Variants in ZSWIM9 observed in about 807,000 individuals in gnomAD.
The protein encoded by ZSWIM9 is zinc finger SWIM-type containing 9.
In ZSWIM9, 11 loss-of-function variants were observed where a neutral mutation model predicts 25.0. The ratio of observed to expected loss-of-function variants is 0.44; its 90% CI spans 0.28 to 0.73. The LOEUF is 0.73. ZSWIM9 is among the 30% of genes least tolerant of loss of function. ZSWIM9 has a pLI of 0.16. For synonymous variants in ZSWIM9, 562 were observed against 582.1 expected, an observed-to-expected ratio of 0.97 and a Z score of 0.50; for missense variants, 1,070 against 1,296.5, an observed-to-expected ratio of 0.83 and a Z score of 2.68.
intron 2 of ZSWIM9, among the ~76,000 whole-genome samples, chr19:48,179,137 C>CT (rs572470047): frequency 6.6e-6 from 1 of 152,076 alleles, no homozygotes; most frequent in Non-Finnish European, 1.5e-5. Context: ...GAAATACACT[C>CT]TGATTTTTTT....
Position 48,195,368 on chromosome 19 carries a change from G to A in ZSWIM9, c.1304G>A (p.Trp435Ter). 1 of 1,511,402 alleles carries A rather than the reference G, an allele frequency of 6.6e-7. No individual in the cohort carries two copies. The highest frequency in any genetic ancestry group is 8.8e-7 in the Non-Finnish European group (1 of 1,137,326). The allele number at this position is 1,511,402 out of a possible 1,614,324, so 93.6% of individuals were successfully genotyped here. ...CTTCGCGACCTGGTGGCCATGCAGT[G>A]GGCCGACGCGGCCGGGGAGGCGGTG... The part of the protein sequence containing the change: ...QCLRDLVAMQ[W>*]ADAAGEAVPE... The change falls in exon 4 of 4, where the codon TGG becomes TAG. Residue 435 changes from tryptophan to a stop codon, truncating the protein, a stop_gained. Coordinates refer to ENST00000614654, the MANE Select transcript of ZSWIM9 (RefSeq NM_199341.4). LOFTEE classifies it low-confidence loss of function (END_TRUNC). The surrounding 1 kb of genome is among the most constrained non-coding windows in gnomAD (Gnocchi z 5.8).
At chr19:48,179,616 A>C (rs2036927408) in intron 2 of ZSWIM9, among the ~76,000 whole-genome samples, 1 of 152,206 alleles carries the variant, frequency 6.6e-6, no homozygotes, top group South Asian at 2.1e-4. Context: ...GTTGTATCAC[A>C]CGTTGGGGTG....
rs1048717688 is a variant in ZSWIM9 at position 48,195,668 on chromosome 19, G to A, written c.1604G>A (p.Gly535Glu). ...CGGTTGGAGAATCAGAAGCCGAGGGGACTGGAAGGGGGTGTCTTGAGAGGG... is the reference window on the plus strand; with the variant it reads ...CGGTTGGAGAATCAGAAGCCGAGGGAACTGGAAGGGGGTGTCTTGAGAGGG... Reference protein sequence around the residue: ...GGRLENQKPRGLEGGVLRGSK... With the variant: ...GGRLENQKPRELEGGVLRGSK... The change falls in exon 4 of 4, where the codon GGA becomes GAA. Residue 535 changes from glycine (G) to glutamate (E), a missense_variant. By Grantham distance (98) the Gly-to-Glu change is moderately conservative. Around this residue, in one of 4 missense-constraint regions of ZSWIM9, gnomAD observed 583 missense variants for 624.7 expected, o/e 0.93. Transcript: ENST00000614654. The surrounding 1 kb of genome is among the most constrained non-coding windows in gnomAD (Gnocchi z 5.8). 35 of 1,436,806 alleles carry A rather than the reference G, an allele frequency of 2.4e-5. No individual in the cohort carries two copies. The highest frequency in any genetic ancestry group is 3.1e-5 in the Non-Finnish European group (34 of 1,102,060). The allele number at this position is 1,436,806 out of a possible 1,614,324, so 89.0% of individuals were successfully genotyped here.
At position 48,197,313 on chromosome 19, in the gene ZSWIM9, G is replaced by C; in HGVS notation, c.*486G>C. On this transcript the variant is annotated 3_prime_UTR_variant, in exon 4 of 4. Coordinates refer to ENST00000614654, the MANE Select transcript of ZSWIM9 (RefSeq NM_199341.4). ...AAAGGGGAGCCGGAAATGGAGGAGA[G>C]AGGACAAGCAAAGAGACAGAAATGA... The C allele has an allele frequency of 1.4e-6, 1 of 702,564 alleles. No individual in the cohort carries two copies. The highest frequency in any genetic ancestry group is 2.6e-6 in the Non-Finnish European group (1 of 384,808). The allele number at this position is 702,564 out of a possible 1,614,324, so 43.5% of individuals were successfully genotyped here. A position where few individuals can be genotyped will look rare whatever the true frequency, so the allele number is the denominator to read the frequency against.
chr19:48,194,993 C>T lies in ZSWIM9; in HGVS notation c.929C>T (p.Pro310Leu). 3.7e-6 allele frequency: 5 copies of T among 1,340,342 alleles called. No homozygotes were observed. The South Asian group carries it at 6.4e-5, about 17-fold the overall frequency. 83.0% of individuals were successfully genotyped at this position (1,340,342 alleles called of 1,614,324 possible). ...AQLPAVRQLLPCARVQICRAQ... is the reference protein window; with the variant it reads ...AQLPAVRQLLLCARVQICRAQ... ...TTGCCTGCAGTGCGCCAGCTGCTGCCCTGCGCGCGCGTGCAGATCTGCCGC... is the reference window on the plus strand; with the variant it reads ...TTGCCTGCAGTGCGCCAGCTGCTGCTCTGCGCGCGCGTGCAGATCTGCCGC... Residue 310 changes from proline (P) to leucine (L), a missense_variant, in exon 4 of 4, where the codon CCC (proline) becomes CTC (leucine). By Grantham distance (98) the Pro-to-Leu change is moderately conservative (BLOSUM62 -3). Transcript: ENST00000614654. The surrounding 1 kb of genome is among the most constrained non-coding windows in gnomAD (Gnocchi z 6.0).
Position 48,194,593 on chromosome 19 carries a change from G to A in ZSWIM9, c.589-60G>A. On this transcript the variant is annotated intron_variant, in intron 3 of 3. Transcript: ENST00000614654. The surrounding 1 kb of genome is among the most constrained non-coding windows in gnomAD (Gnocchi z 6.0). Reference sequence around the variant, plus strand: ...AAGGGGAAACCGAGGTCGGGGAGCTGGGCGGGGAGACCCCAGCATCCTCTG... The same window carrying A: ...AAGGGGAAACCGAGGTCGGGGAGCTAGGCGGGGAGACCCCAGCATCCTCTG... 2 of 1,351,646 alleles carry A rather than the reference G, an allele frequency of 1.5e-6. No individual in the cohort carries two copies. Among genetic ancestry groups the A allele is most frequent in the Non-Finnish European group, 1.9e-6 (2 of 1,050,108 alleles). The allele number at this position is 1,351,646 out of a possible 1,614,324, so 83.7% of individuals were successfully genotyped here. A position where few individuals can be genotyped will look rare whatever the true frequency, so the allele number is the denominator to read the frequency against.
In ZSWIM9 at chr19:48,182,796, G is replaced by T. The variant is rs1054327159; in HGVS notation, c.588+29G>T. 1.8e-5 allele frequency: 27 copies of T among 1,495,504 alleles called. No homozygotes were observed. Among genetic ancestry groups the T allele is most frequent in the Non-Finnish European group, 2.2e-5 (25 of 1,119,734 alleles). The allele number at this position is 1,495,504 out of a possible 1,614,324, so 92.6% of individuals were successfully genotyped here. On this transcript the variant is annotated intron_variant, in intron 3 of 3. Coordinates refer to ENST00000614654, the MANE Select transcript of ZSWIM9 (RefSeq NM_199341.4). The surrounding 1 kb of genome is among the most constrained non-coding windows in gnomAD (Gnocchi z 4.6). ...GGGTCTCGAGAGAGGCAGGCCGGGGGAGGGGGCGGGGGAAAGCCGCGCTGA... is the reference window on the plus strand; with the variant it reads ...GGGTCTCGAGAGAGGCAGGCCGGGGTAGGGGGCGGGGGAAAGCCGCGCTGA...
chr19:48,185,279 A>G (rs1428099199), intron 3 of ZSWIM9, among the ~76,000 whole-genome samples: 1 of 151,836 alleles, frequency 6.6e-6, no homozygotes, highest in African/African-American at 2.4e-5. Flanking sequence ...AGCTGGGATT[A>G]CAGGCATGCG....
intron 3 of ZSWIM9, among the ~76,000 whole-genome samples, chr19:48,187,512 T>C (rs181546556): frequency 1.6e-5 from 1 of 62,494 alleles, no homozygotes; most frequent in African/African-American, 6.4e-5. Context: ...TATATTATAT[T>C]ATATATATTA....
intron 3 of ZSWIM9, chr19:48,191,829 G>A (rs2037097666): frequency 1.3e-5 from 2 of 153,954 alleles, no homozygotes; most frequent in Non-Finnish European, 2.9e-5. Flanking sequence ...GCCCTGTTTG[G>A]TCAATTTTTT....
At position 48,196,723 on chromosome 19, in the gene ZSWIM9, C is replaced by T. The variant is rs1228031048; in HGVS notation, c.2659C>T (p.Arg887Cys). 17 of 1,232,902 alleles carry T rather than the reference C, an allele frequency of 1.4e-5. No individual in the cohort carries two copies. Among genetic ancestry groups the T allele is most frequent in the Admixed American group, 4.2e-5 (1 of 23,764 alleles). The allele number at this position is 1,232,902 out of a possible 1,614,324, so 76.4% of individuals were successfully genotyped here. ...RCSCSIHAAR[R>C]LPCRHLFAAR... ...CAGCTGCTCAATTCACGCCGCCCGC[C>T]GTCTGCCCTGCAGACACCTCTTTGC... Residue 887 changes from arginine (R) to cysteine (C), a missense_variant, in exon 4 of 4, where the codon CGT becomes TGT. Around this residue, in one of 4 missense-constraint regions of ZSWIM9, gnomAD observed 583 missense variants for 624.7 expected, o/e 0.93. Coordinates refer to ENST00000614654, the MANE Select transcript of ZSWIM9 (RefSeq NM_199341.4).
chr19:48,182,684 T>C lies in ZSWIM9; in HGVS notation c.505T>C (p.Ser169Pro). The C allele has an allele frequency of 1.3e-6, 2 of 1,535,696 alleles. No homozygotes were observed. The highest frequency in any genetic ancestry group is 1.7e-6 in the Non-Finnish European group (2 of 1,146,600). The change falls in exon 3 of 4, where the codon TCC becomes CCC. Residue 169 changes from serine (S) to proline (P), a missense_variant. Around this residue, in one of 4 missense-constraint regions of ZSWIM9, gnomAD observed 265 missense variants for 339.0 expected, o/e 0.78. Coordinates refer to ENST00000614654, the MANE Select transcript of ZSWIM9 (RefSeq NM_199341.4). This position sits in a 1 kb window ranked among gnomAD's most constrained non-coding sequence, Gnocchi z 4.6. ...CCCAGCCGACGTGCGCCGCCTGCTG[T>C]CCTACTGCAAGGGCCGCGACCACGG... Reference protein sequence around the residue: ...VAPADVRRLLSYCKGRDHGVL... With the variant: ...VAPADVRRLLPYCKGRDHGVL...
Position 48,194,545 on chromosome 19 carries a change from A to T in ZSWIM9, c.589-108A>T. On this transcript the variant is annotated intron_variant, in intron 3 of 3. Coordinates refer to ENST00000614654, the MANE Select transcript of ZSWIM9 (RefSeq NM_199341.4). The surrounding 1 kb of genome is among the most constrained non-coding windows in gnomAD (Gnocchi z 6.0). The stretch of plus-strand genomic sequence containing the variant: ...ATAAATGCATATGCAGGCAAGAATG[A>T]ATGGGTGGTCCCATTTCCGTAGAAG... 1 of 1,145,244 alleles carries T rather than the reference A, an allele frequency of 8.7e-7. No individual in the cohort carries two copies. The highest frequency in any genetic ancestry group is 1.1e-6 in the Non-Finnish European group (1 of 882,986). The allele number at this position is 1,145,244 out of a possible 1,614,324, so 70.9% of individuals were successfully genotyped here. A position where few individuals can be genotyped will look rare whatever the true frequency, so the allele number is the denominator to read the frequency against.
At chr19:48,178,095 C>A (rs1299651390) in intron 2 of ZSWIM9, among the ~76,000 whole-genome samples, 4 of 152,026 alleles carry the variant, frequency 2.6e-5, no homozygotes, top group Non-Finnish European at 4.4e-5. Context: ...ATGGGGTTTG[C>A]CTATGTTGGC....
At chr19:48,193,230 T>A (rs1288300117) in intron 3 of ZSWIM9, 1 of 154,760 alleles carries the variant, frequency 6.5e-6, no homozygotes, top group African/African-American at 2.4e-5. Flanking sequence ...CAAGGCTCAT[T>A]GAGGAGAGGT....
chr19:48,175,578 C>CTG (rs2036884046), intron 2 of ZSWIM9, among the ~76,000 whole-genome samples: 1 of 151,824 alleles, frequency 6.6e-6, no homozygotes, highest in African/African-American at 2.4e-5. Context: ...CCCTAGAAGG[C>CTG]TGTGAGTAGG....
chr19:48,177,143 G>A (rs1006193304), intron 2 of ZSWIM9, among the ~76,000 whole-genome samples: 1 of 152,272 alleles, frequency 6.6e-6, no homozygotes, highest in African/African-American at 2.4e-5. Flanking sequence ...GATATGGTCA[G>A]GGAAGACTTC....
At chr19:48,177,196 G>A (rs898322764) in intron 2 of ZSWIM9, among the ~76,000 whole-genome samples, 1 of 152,192 alleles carries the variant, frequency 6.6e-6, no homozygotes, top group African/African-American at 2.4e-5. Context: ...AAGATGAGTA[G>A]GAGTTGACTA....
chr19:48,183,992 A>G (rs1428232448), intron 3 of ZSWIM9, among the ~76,000 whole-genome samples: 2 of 151,674 alleles, frequency 1.3e-5, no homozygotes, highest in Non-Finnish European at 2.9e-5. Flanking sequence ...CAGAAAATGC[A>G]CAAATGATAA....
Sources: allele counts gnomAD v4.1 joint callset (sites outside exome capture counted in the v4.1 genomes callset), GRCh38; gene constraint gnomAD v4.1.1; regional missense constraint gnomAD v4.1.1; non-coding constraint Gnocchi (gnomAD v3.1); transcripts MANE v1.5; gene names NCBI Gene and HGNC (gene_info 2026-07-23, HGNC 2026-07-21).